The following FOXP2 variants were observed in gnomAD, a reference collection of about 807,000 sequenced individuals.
The protein encoded by FOXP2 is forkhead box P2.
Under a neutral mutation model 115.8 loss-of-function variants are expected in FOXP2, and 12 were observed. The observed-to-expected ratio is 0.10, with a 90% CI of 0.07 to 0.17. FOXP2 has a LOEUF of 0.17. Among genes scored for constraint, FOXP2 ranks in the 10% least tolerant of loss-of-function variants. The pLI is 1.00. For synonymous variants in FOXP2, 328 were observed against 297.7 expected (o/e 1.10, Z -1.05); for missense variants, 629 against 843.5 (o/e 0.75, Z 3.15).
chr7:114,553,100 A>T (rs1800292434), intron 3 of FOXP2, among the ~76,000 whole-genome samples: 2 of 152,156 alleles, frequency 1.3e-5, no homozygotes, highest in African/African-American at 4.8e-5. Flanking sequence ...GTATTTTAGG[A>T]AAAACCCTTG....
At chr7:114,251,042 A>G (rs1289629642) in intron 1 of FOXP2, among the ~76,000 whole-genome samples, 1 of 152,224 alleles carries the variant, frequency 6.6e-6, no homozygotes, top group African/African-American at 2.4e-5. Flanking sequence ...AGCACCATTT[A>G]TTAAATAGGG....
intron 2 of FOXP2, among the ~76,000 whole-genome samples, chr7:114,520,001 C>T (rs1798537035): frequency 6.6e-6 from 1 of 151,988 alleles, no homozygotes; most frequent in Admixed American, 6.6e-5. Context: ...GATAAAACAG[C>T]TTACATTAAA....
At chr7:114,279,345 A>G (rs979537368) in intron 1 of FOXP2, among the ~76,000 whole-genome samples, 56 of 152,350 alleles carry the variant, frequency 3.7e-4, no homozygotes, top group African/African-American at 1.3e-3. Flanking sequence ...AACAACTGAT[A>G]GAACATGAAA....
At chr7:114,091,808 T>G (rs1799548380) in intron 1 of FOXP2, among the ~76,000 whole-genome samples, 1 of 152,000 alleles carries the variant, frequency 6.6e-6, no homozygotes, top group Non-Finnish European at 1.5e-5. Context: ...TTTTAAAAAA[T>G]ACATTTTCTC....
chr7:114,629,832 C>G lies in FOXP2; in HGVS notation c.424C>G (p.Gln142Glu). The change falls in exon 5 of 17, where the codon CAG (glutamine) becomes GAG (glutamate). Residue 142 changes from glutamine (Q) to glutamate (E), a missense_variant. Around this residue, in one of 9 missense-constraint regions of FOXP2, gnomAD observed 138 missense variants for 205.1 expected, o/e 0.67. Coordinates refer to ENST00000350908, the MANE Select transcript of FOXP2 (RefSeq NM_014491.4). ...ACAACTACAAGAGTTTTACAAGAAA[C>G]AGCAAGAGCAGTTACATCTTCAGCT... is the stretch of plus-strand genomic sequence containing the variant. ...QQQLQEFYKK[Q>E]QEQLHLQLLQ... 6.2e-7 allele frequency: 1 copy of G among 1,613,208 alleles called. No individual in the cohort carries two copies. Among genetic ancestry groups the G allele is most frequent in the Non-Finnish European group, 8.5e-7 (1 of 1,179,806 alleles).
At chr7:114,400,591 T>G (rs1443877707) in intron 2 of FOXP2, among the ~76,000 whole-genome samples, 1 of 152,140 alleles carries the variant, frequency 6.6e-6, no homozygotes, top group Admixed American at 6.5e-5. Context: ...AGACAGTGTT[T>G]CCACAGACAG....
chr7:114,271,862 A>C (rs1452147991), intron 1 of FOXP2, among the ~76,000 whole-genome samples: 3 of 124,522 alleles, frequency 2.4e-5, no homozygotes, highest in Non-Finnish European at 4.7e-5. Flanking sequence ...AATTATTAAA[A>C]CATTATAATA....
chr7:114,358,070 A>T (rs751130546), intron 2 of FOXP2, among the ~76,000 whole-genome samples: 41 of 152,274 alleles, frequency 2.7e-4, no homozygotes, highest in Middle Eastern at 3.4e-3. Context: ...CCCACATATC[A>T]TGGGATGGAC....
intron 1 of FOXP2, among the ~76,000 whole-genome samples, chr7:114,183,242 A>G (rs1013564213): frequency 6.6e-6 from 1 of 152,224 alleles, no homozygotes. Context: ...CTATGCAATA[A>G]TCAGATGACA....
intron 1 of FOXP2, among the ~76,000 whole-genome samples, chr7:114,140,985 A>G (rs1386702092): frequency 6.6e-6 from 1 of 152,326 alleles, no homozygotes. Flanking sequence ...ACAACAGATA[A>G]TTTTATGATT....
At chr7:114,155,491 C>T (rs1404344541) in intron 1 of FOXP2, among the ~76,000 whole-genome samples, 1 of 152,076 alleles carries the variant, frequency 6.6e-6, no homozygotes, top group Non-Finnish European at 1.5e-5. Context: ...TTTGAAATGG[C>T]CCTGGAAAGC....
At chr7:114,275,768 TG>T (rs1796171641) in intron 1 of FOXP2, among the ~76,000 whole-genome samples, 2 of 152,224 alleles carry the variant, frequency 1.3e-5, no homozygotes, top group Non-Finnish European at 2.9e-5. Flanking sequence ...CTGGACATGA[TG>T]TACTTGGCAA....
At chr7:114,574,318 A>C (rs1023806817) in intron 3 of FOXP2, among the ~76,000 whole-genome samples, 2 of 151,866 alleles carry the variant, frequency 1.3e-5, no homozygotes, top group Non-Finnish European at 2.9e-5. Flanking sequence ...TTCTGGCTTT[A>C]AAAAACGAGG....
At chr7:114,397,182 T>G (rs924575676) in intron 2 of FOXP2, among the ~76,000 whole-genome samples, 6 of 152,166 alleles carry the variant, frequency 3.9e-5, no homozygotes, top group Admixed American at 6.5e-5. Flanking sequence ...TGTAAAATAC[T>G]TTAAAATTTA....
At chr7:114,684,138 A>G (rs1665341820) in intron 16 of FOXP2, among the ~76,000 whole-genome samples, 1 of 152,140 alleles carries the variant, frequency 6.6e-6, no homozygotes. Context: ...AACTACAAAC[A>G]TGGCTTCTAT....
Position 114,204,653 on chromosome 7 carries a change from C to T in FOXP2, c.-102+41565C>T, listed in dbSNP as rs1794154673. On this transcript the variant is annotated intron_variant, in intron 1 of 17. Coordinates refer to the FOXP2 transcript ENST00000634411. ...GTAAGATTCCATTTAAGGCATCACG[C>T]ACAATATTCTTGCCTATCAAAATTG... Among the ~76,000 whole-genome samples, 3 of 152,136 alleles carry T rather than the reference C, an allele frequency of 2.0e-5. No homozygotes were observed. In the South Asian group the frequency reaches 6.2e-4, roughly 32 times the overall value.
chr7:114,162,165 A>G (rs116619341), upstream of FOXP2, among the ~76,000 whole-genome samples: 1,463 of 152,326 alleles, frequency 9.6e-3, 31 homozygotes, highest in African/African-American at 0.033. Flanking sequence ...AAATTTGAAT[A>G]TAGAACAAAT....
intron 8 of FOXP2, among the ~76,000 whole-genome samples, chr7:114,650,723 C>T (rs1399222065): frequency 6.6e-6 from 1 of 151,924 alleles, no homozygotes; most frequent in Non-Finnish European, 1.5e-5. Context: ...AGAGAGCAGA[C>T]AGGTATAGTG....
chr7:114,086,629 C>A, upstream of FOXP2: 1 of 391,208 alleles, frequency 2.6e-6, no homozygotes, highest in South Asian at 1.8e-5. Flanking sequence ...TCTTGGCCCT[C>A]ACTCTGGCGC....
Sources: allele counts gnomAD v4.1 joint callset (sites outside exome capture counted in the v4.1 genomes callset), GRCh38; gene constraint gnomAD v4.1.1; regional missense constraint gnomAD v4.1.1; transcripts MANE v1.5; gene names NCBI Gene and HGNC (gene_info 2026-07-23, HGNC 2026-07-21).